The following ZFYVE9 variants were observed in gnomAD, a reference collection of about 807,000 sequenced individuals.
ZFYVE9 encodes the protein zinc finger FYVE domain-containing protein 9.
In ZFYVE9, 43 loss-of-function variants were observed where a neutral mutation model predicts 126.7. The ratio of observed to expected loss-of-function variants is 0.34; its 90% confidence interval spans 0.27 to 0.44. The LOEUF is 0.44. ZFYVE9 is among the 20% of genes least tolerant of loss of function. The pLI is 1.00. For missense variants in ZFYVE9, 1,476 were observed against 1,697.0 expected (o/e 0.87, Z 2.29); for synonymous variants, 521 against 597.4 (o/e 0.87, Z 1.87).
At chr1:52,251,868 A>G (rs1000732050) in intron 4 of ZFYVE9, among the ~76,000 whole-genome samples, 1 of 152,048 alleles carries the variant, frequency 6.6e-6, no homozygotes, top group Non-Finnish European at 1.5e-5. Context: ...TCTCCCCACT[A>G]GTTATAGGTT....
chr1:52,313,964 C>G (rs1396432992), intron 13 of ZFYVE9, among the ~76,000 whole-genome samples: 2 of 152,258 alleles, frequency 1.3e-5, no homozygotes, highest in Admixed American at 1.3e-4. Context: ...AACAGCACGT[C>G]ATCGAGTTGT....
chr1:52,150,771 TA>T (rs796794662), intron 1 of ZFYVE9, among the ~76,000 whole-genome samples: 720 of 134,756 alleles, frequency 5.3e-3, no homozygotes, highest in Middle Eastern at 0.011. Flanking sequence ...CATACTGTCT[TA>T]AAAAAAAAAA....
At chr1:52,287,399 C>T (rs1252543711) in intron 10 of ZFYVE9, among the ~76,000 whole-genome samples, 3 of 152,164 alleles carry the variant, frequency 2.0e-5, no homozygotes, top group African/African-American at 7.2e-5. Context: ...AGGTGTGAGC[C>T]ACCATGCAGT....
intron 10 of ZFYVE9, among the ~76,000 whole-genome samples, chr1:52,286,789 G>A (rs1645865325): frequency 6.6e-6 from 1 of 152,140 alleles, no homozygotes; most frequent in Admixed American, 6.5e-5. Flanking sequence ...CCAACATTCA[G>A]TATTCTGCAT....
intron 11 of ZFYVE9, 75 bp from the exon 12 acceptor site, chr1:52,295,820 G>A (rs1205267983): frequency 4.1e-6 from 5 of 1,226,850 alleles, no homozygotes; most frequent in East Asian, 2.4e-5. Flanking sequence ...TTTGAAAATT[G>A]TATTAGTCAT....
chr1:52,328,582 A>G (rs1646312965), intron 13 of ZFYVE9, among the ~76,000 whole-genome samples: 1 of 152,240 alleles, frequency 6.6e-6, no homozygotes, highest in South Asian at 2.1e-4. Context: ...TAATTTATTC[A>G]GAATGTCTGG....
rs1204619482 is a variant in ZFYVE9 at position 52,170,104 on chromosome 1, A to G, written c.-143+27701A>G. ...TTTAATATTCAGTTCAAAGCTTTTC[A>G]TGAAGTCTTGTTAGATAATTCTAAG... On this transcript the variant is annotated intron_variant, in intron 1 of 18. Coordinates refer to ENST00000287727, the MANE Select transcript of ZFYVE9 (RefSeq NM_004799.4). Among the ~76,000 whole-genome samples, 6 of 152,336 alleles carry G rather than the reference A, an allele frequency of 3.9e-5. No homozygotes were observed. The East Asian group carries it at 1.2e-3, about 29-fold the overall frequency.
At chr1:52,209,101 A>G (rs1645004656) in intron 1 of ZFYVE9, among the ~76,000 whole-genome samples, 3 of 152,188 alleles carry the variant, frequency 2.0e-5, no homozygotes, top group Admixed American at 6.5e-5. Context: ...TCTGGAAGGG[A>G]GAGACAGTTT....
chr1:52,278,445 G>T, intron 8 of ZFYVE9, 47 bp from the exon 9 acceptor site: 1 of 1,609,576 alleles, frequency 6.2e-7, no homozygotes, highest in Non-Finnish European at 8.5e-7. Flanking sequence ...TCTCTTTCTT[G>T]ATTTGTTCCT....
chr1:52,331,259 T>A (rs1206719257), intron 13 of ZFYVE9, among the ~76,000 whole-genome samples: 2 of 151,890 alleles, frequency 1.3e-5, no homozygotes, highest in Non-Finnish European at 2.9e-5. Context: ...AAGGATTAGA[T>A]CAGAAAGTTG....
intron 16 of ZFYVE9, among the ~76,000 whole-genome samples, 175 bp from the exon 17 acceptor site, chr1:52,339,951 C>T (rs937958356): frequency 5.9e-5 from 9 of 152,176 alleles, no homozygotes; most frequent in African/African-American, 2.2e-4. Context: ...CCCAAGAGCT[C>T]AGTTCATGTA....
At chr1:52,190,358 A>G (rs562834489) in intron 1 of ZFYVE9, 4 of 152,068 alleles carry the variant, frequency 2.6e-5, no homozygotes, top group Non-Finnish European at 4.4e-5. Context: ...TGAATTGTCT[A>G]TTTCTCACTT....
chr1:52,322,380 T>TTC (rs1646249152), intron 13 of ZFYVE9, among the ~76,000 whole-genome samples: 1 of 134,134 alleles, frequency 7.5e-6, no homozygotes. Flanking sequence ...GTCTTTTCTT[T>TTC]TTTTTTTTTT....
At chr1:52,157,405 T>TTTC (rs1244751878) in intron 1 of ZFYVE9, among the ~76,000 whole-genome samples, 1 of 120,798 alleles carries the variant, frequency 8.3e-6, no homozygotes, top group Non-Finnish European at 1.7e-5. Context: ...TTTTTTTTTT[T>TTTC]TTTTTTTTTT....
chr1:52,343,930 G>C (rs1421643523), intron 17 of ZFYVE9, among the ~76,000 whole-genome samples: 1 of 152,074 alleles, frequency 6.6e-6, no homozygotes, highest in Non-Finnish European at 1.5e-5. Context: ...AAATTAGCCA[G>C]GCATGGCGGC....
At chr1:52,295,760 C>G in intron 11 of ZFYVE9, 135 bp from the exon 12 acceptor site, 1 of 665,174 alleles carries the variant, frequency 1.5e-6, no homozygotes, top group Non-Finnish European at 2.5e-6. Context: ...ATGCCAAATA[C>G]TTTTTGAGCC....
chr1:52,268,349 G>A (rs779364028), intron 6 of ZFYVE9, 114 bp from the exon 7 acceptor site: 116 of 1,065,768 alleles, frequency 1.1e-4, no homozygotes, highest in Middle Eastern at 9.5e-4. Context: ...CTGATTGTAA[G>A]TTGCCAAGTA....
chr1:52,234,284 AC>A (rs1645252333), intron 3 of ZFYVE9, among the ~76,000 whole-genome samples: 2 of 151,800 alleles, frequency 1.3e-5, no homozygotes, highest in African/African-American at 4.8e-5. Context: ...ACATGATGAA[AC>A]CCCGTCTCTA....
rs1473702884 is a variant in ZFYVE9 at position 52,221,627 on chromosome 1, A to AT, written c.-37+5155dup. Among the ~76,000 whole-genome samples, 5 of 152,252 alleles carry AT rather than the reference A, an allele frequency of 3.3e-5. No individual in the cohort carries two copies. The Middle Eastern group carries it at 0.01, about 311-fold the overall frequency. On this transcript the variant is annotated intron_variant, in intron 2 of 18. Transcript: ENST00000287727. Reference sequence around the variant, plus strand: ...GCAGTTGCTGCTATGGATTGGACACATTCGGGCCATCCACGGGTTACGGGG... The same window carrying AT: ...GCAGTTGCTGCTATGGATTGGACACATTTCGGGCCATCCACGGGTTACGGGG...
Sources: gnomAD v4.1 joint callset for allele counts (sites outside exome capture counted in the v4.1 genomes callset) on GRCh38, gnomAD v4.1.1 for gene constraint, MANE v1.5 for transcripts, NCBI Gene and HGNC (gene_info 2026-07-23, HGNC 2026-07-21) for gene names.